The following TBC1D16 variants were observed in gnomAD, a reference collection of about 807,000 sequenced individuals.
The protein encoded by TBC1D16 is TBC1 domain family member 16, also known as CTD-2529O21.1.
A neutral mutation model predicts 74.7 loss-of-function variants in TBC1D16; 58 were observed. That is an observed-to-expected ratio of 0.78 (90% confidence interval 0.63 to 0.97). TBC1D16 has a LOEUF of 0.97. Ranked by LOEUF, TBC1D16 falls within the 50% of genes least tolerant of loss-of-function variation. The pLI is 0.00. For synonymous variants in TBC1D16, 493 were observed against 474.7 expected, an observed-to-expected ratio of 1.04 and a Z score of -0.50; for missense variants, 1,014 against 1,079.5, an observed-to-expected ratio of 0.94 and a Z score of 0.85.
intron 3 of TBC1D16, among the ~76,000 whole-genome samples, chr17:79,959,208 T>TCTGAATGTCTTCTGAA (rs2033483059): frequency 6.6e-6 from 1 of 152,126 alleles, no homozygotes; most frequent in Admixed American, 6.5e-5. Context: ...TTCAAGAACG[T>TCTGAATGTCTTCTGAA]CATACTGAAA....
chr17:79,976,633 G>A (rs948546812), intron 3 of TBC1D16, among the ~76,000 whole-genome samples: 1 of 152,174 alleles, frequency 6.6e-6, no homozygotes, highest in Non-Finnish European at 1.5e-5. Context: ...CAAGACCCCC[G>A]CCGCTCCTGA....
chr17:80,033,472 A>T (rs1320920183), intron 1 of TBC1D16, among the ~76,000 whole-genome samples: 1 of 151,974 alleles, frequency 6.6e-6, no homozygotes, highest in African/African-American at 2.4e-5. Context: ...TCCCGGGCTC[A>T]AGCTATCCTC....
At chr17:80,003,575 A>G (rs887649330) in intron 3 of TBC1D16, among the ~76,000 whole-genome samples, 4 of 151,954 alleles carry the variant, frequency 2.6e-5, no homozygotes, top group Admixed American at 1.3e-4. Flanking sequence ...CCTTCTGTCT[A>G]TTTTTATACA....
intron 3 of TBC1D16, among the ~76,000 whole-genome samples, chr17:79,967,721 G>A (rs1490477391): frequency 2.0e-5 from 3 of 152,134 alleles, no homozygotes; most frequent in Non-Finnish European, 4.4e-5. Flanking sequence ...CCCAGCTACC[G>A]TTTTTGCAGA....
At chr17:79,982,332 G>C (rs569429620) in intron 3 of TBC1D16, among the ~76,000 whole-genome samples, 1 of 151,520 alleles carries the variant, frequency 6.6e-6, no homozygotes, top group South Asian at 2.1e-4. Flanking sequence ...TTTTGGTAGA[G>C]ACGGGGTTTC....
rs2144265822 is a variant in TBC1D16 at position 79,979,997 on chromosome 17, GGGCACC to G, written c.780-27185_780-27180del. Among the ~76,000 whole-genome samples, 1 of 152,182 alleles carries G rather than the reference GGGCACC, an allele frequency of 6.6e-6. No individual in the cohort carries two copies. The highest frequency in any genetic ancestry group is 1.9e-4 in the East Asian group (1 of 5,142). On this transcript the variant is annotated intron_variant, in intron 3 of 11. Transcript: ENST00000310924. The surrounding 1 kb of genome is among the most constrained non-coding windows in gnomAD (Gnocchi z 4.8). ...CCTCAGGCCTGCCCAACACGGCTGT[GGGCACC>G]GGTGCCTCCCCAGACCCTCTGGGCA...
rs559805617 is a variant in TBC1D16 at position 79,969,800 on chromosome 17, G to A, written c.780-16982C>T. Among the ~76,000 whole-genome samples the A allele has an allele frequency of 2.6e-5, 4 of 152,274 alleles. 1 individual carries two copies. The highest frequency in any genetic ancestry group is 9.6e-5 in the African/African-American group (4 of 41,540). On this transcript the variant is annotated intron_variant, in intron 3 of 11. Transcript: ENST00000310924. ...CTACTAAAAATACAAAAATTAGCCAGGTGTGGTGGTGCATGCCTGTAATCC... is the reference window on the plus strand; with the variant it reads ...CTACTAAAAATACAAAAATTAGCCAAGTGTGGTGGTGCATGCCTGTAATCC...
In TBC1D16 at chr17:79,986,598, G is replaced by A. The variant is rs980847618; in HGVS notation, c.779+23562C>T. On this transcript the variant is annotated intron_variant, in intron 3 of 11. Coordinates refer to ENST00000310924, the MANE Select transcript of TBC1D16 (RefSeq NM_019020.4). The surrounding 1 kb of genome is among the most constrained non-coding windows in gnomAD (Gnocchi z 6.0). ...GAAGCCTGGCCTTTGAAGGATGAAC[G>A]GCAAGGGGTATGTCTGCCCTGACAG... Among the ~76,000 whole-genome samples the A allele has an allele frequency of 2.6e-5, 4 of 152,148 alleles. No homozygotes were observed. Among genetic ancestry groups the A allele is most frequent in the African/African-American group, 9.7e-5 (4 of 41,420 alleles).
intron 1 of TBC1D16, among the ~76,000 whole-genome samples, chr17:80,027,405 T>C (rs769215377): frequency 6.6e-6 from 1 of 152,032 alleles, no homozygotes; most frequent in Non-Finnish European, 1.5e-5. Context: ...GAGATCAGCC[T>C]GGGGGACATG....
rs1414812476 is a variant in TBC1D16, at chr17:79,933,326, G to C, written c.*7533C>G. The C allele has an allele frequency of 2.0e-5, 3 of 152,094 alleles. No homozygotes were observed. Among genetic ancestry groups the C allele is most frequent in the Non-Finnish European group, 4.4e-5 (3 of 68,048 alleles). 9.4% of individuals were successfully genotyped at this position (152,094 alleles called of 1,614,324 possible). A position where few individuals can be genotyped will look rare whatever the true frequency, so the allele number is the denominator to read the frequency against. On this transcript the variant is annotated 3_prime_UTR_variant, in exon 12 of 12. Transcript: ENST00000310924. ...TCCGTCTCACTGGGACGAAGAGGGG[G>C]CACAGATGCAGGTATGCCCAGGTAC...
rs2035966634 is a variant in TBC1D16, at chr17:80,013,386, C to A, written c.162G>T (p.Gly54=). 3 of 1,607,280 alleles carry A rather than the reference C, an allele frequency of 1.9e-6. No homozygotes were observed. The highest frequency in any genetic ancestry group is 2.5e-6 in the Non-Finnish European group (3 of 1,177,430). The change falls in exon 2 of 12, where the codon GGG becomes GGT. Residue 54 remains glycine, a synonymous_variant. Coordinates refer to ENST00000310924, the MANE Select transcript of TBC1D16 (RefSeq NM_019020.4). ...VCVHPPEGLQ[G]LGEHHPGYLC... The stretch of plus-strand genomic sequence containing the variant: ...GCTCACCTGGGTGGTGCTCCCCCAG[C>A]CCCTGCAGCCCCTCCGGCGGGTGCA...
At position 80,008,034 on chromosome 17, in the gene TBC1D16, A is replaced by G. The variant is rs1005853999; in HGVS notation, c.779+2126T>C. 2.6e-5 allele frequency among the ~76,000 whole-genome samples: 4 copies of G among 151,858 alleles called. No homozygotes were observed. Among genetic ancestry groups the G allele is most frequent in the African/African-American group, 9.7e-5 (4 of 41,310 alleles). On this transcript the variant is annotated intron_variant, in intron 3 of 11. Transcript: ENST00000310924. This position sits in a 1 kb window ranked among gnomAD's most constrained non-coding sequence, Gnocchi z 4.5. The stretch of plus-strand genomic sequence containing the variant: ...CCTCAGTTGTGATAAAAAAAAAAAA[A>G]AAGTGTCTCCTGGCATTGCCATACA...
chr17:80,031,323 A>G (rs2036767901), intron 1 of TBC1D16, among the ~76,000 whole-genome samples: 1 of 152,244 alleles, frequency 6.6e-6, no homozygotes, highest in Admixed American at 6.5e-5. Context: ...CAGAAGCCAC[A>G]TTCAGGATAC....
rs1287206897 is a variant in TBC1D16, at chr17:79,990,271, C to G, written c.779+19889G>C. Among the ~76,000 whole-genome samples, 2 of 152,204 alleles carry G rather than the reference C, an allele frequency of 1.3e-5. No individual in the cohort carries two copies. The highest frequency in any genetic ancestry group is 4.8e-5 in the African/African-American group (2 of 41,450). On this transcript the variant is annotated intron_variant, in intron 3 of 11. Coordinates refer to ENST00000310924, the MANE Select transcript of TBC1D16 (RefSeq NM_019020.4). This position sits in a 1 kb window ranked among gnomAD's most constrained non-coding sequence, Gnocchi z 4.8. ...GGCGTGTGCGGTGACGGGTCTCGGG[C>G]GCCCAGCCAGCGAGGGGCCGGCTCC...
chr17:79,942,342 G>A (rs924310913), intron 10 of TBC1D16, 136 bp from the exon 11 acceptor site: 35 of 937,772 alleles, frequency 3.7e-5, no homozygotes, highest in Admixed American at 1.7e-4. Context: ...CTCGGGGGCC[G>A]TGTGGCCCTG....
At chr17:79,967,022 T>C (rs1183601182) in intron 3 of TBC1D16, among the ~76,000 whole-genome samples, 1 of 152,010 alleles carries the variant, frequency 6.6e-6, no homozygotes, top group African/African-American at 2.4e-5. Flanking sequence ...AATAAAAACA[T>C]TCACTAAACT....
In TBC1D16 at chr17:79,950,440, G is replaced by C. The variant is rs1453541356; in HGVS notation, c.1228C>G (p.Gln410Glu). Residue 410 changes from glutamine (Q) to glutamate (E), a missense_variant, in exon 6 of 12, where the codon CAG becomes GAG. Gln to Glu is a conservative substitution (Grantham distance 29, BLOSUM62 2). Transcript: ENST00000310924. This position sits in a 1 kb window ranked among gnomAD's most constrained non-coding sequence, Gnocchi z 4.6. ...AWLNHLNELG[Q>E]VEEEYKLRKA... ...CGCAGCTTGTACTCCTCCTCCACCT[G>C]GCCCAGCTCATTCAGGTGGTTGAGC... 1.2e-6 allele frequency: 2 copies of C among 1,612,478 alleles called. No homozygotes were observed. The highest frequency in any genetic ancestry group is 1.1e-5 in the South Asian group (1 of 90,908).
intron 3 of TBC1D16, among the ~76,000 whole-genome samples, chr17:79,959,361 T>C (rs2033489315): frequency 6.6e-6 from 1 of 152,162 alleles, no homozygotes; most frequent in Non-Finnish European, 1.5e-5. Context: ...CCAATCAAAA[T>C]TCCAACAGGA....
chr17:80,009,723 G>A lies in TBC1D16; in HGVS notation c.779+437C>T, dbSNP rs2035805450. Among the ~76,000 whole-genome samples the A allele has an allele frequency of 6.6e-6, 1 of 152,218 alleles. No homozygotes were observed. Among genetic ancestry groups the A allele is most frequent in the Admixed American group, 6.5e-5 (1 of 15,286 alleles). On this transcript the variant is annotated intron_variant, in intron 3 of 11. Transcript: ENST00000310924. This position sits in a 1 kb window ranked among gnomAD's most constrained non-coding sequence, Gnocchi z 5.4. ...GGGGAGCTGGAGACCAGCACATCTG[G>A]GCTTGGGCCAGCCCTGTGCGTGAGC...
Sources: gnomAD v4.1 joint callset for allele counts (sites outside exome capture counted in the v4.1 genomes callset) on GRCh38, gnomAD v4.1.1 for gene constraint, Gnocchi (gnomAD v3.1) non-coding constraint, MANE v1.5 for transcripts, NCBI Gene and HGNC (gene_info 2026-07-23, HGNC 2026-07-21) for gene names.